Variants in NEK2 observed in about 807,000 individuals in gnomAD.
NEK2 encodes NIMA related kinase 2, also known as serine/threonine-protein kinase Nek2.
Under a neutral mutation model 54.1 loss-of-function variants are expected in NEK2, and 28 were observed. The ratio of observed to expected loss-of-function variants is 0.52; its 90% CI spans 0.38 to 0.71. The LOEUF (loss-of-function observed/expected upper bound fraction) is 0.71. NEK2 is among the 30% of genes least tolerant of loss of function. The pLI, the probability that NEK2 is intolerant of heterozygous loss-of-function variation, is 0.00. For synonymous variants in NEK2, 176 were observed against 193.1 expected, an observed-to-expected ratio of 0.91 and a Z score of 0.73; for missense variants, 407 against 531.5, an observed-to-expected ratio of 0.77 and a Z score of 2.30.
At chr1:211,665,398 G>A (rs769476693) in intron 7 of NEK2, among the ~76,000 whole-genome samples, 1 of 152,132 alleles carries the variant, frequency 6.6e-6, no homozygotes, top group African/African-American at 2.4e-5. Flanking sequence ...ACTTATCTGT[G>A]TATCCTATAA....
At chr1:211,674,589 A>C in intron 1 of NEK2, 76 bp from the exon 2 acceptor site, 1 of 1,046,042 alleles carries the variant, frequency 9.6e-7, no homozygotes. Context: ...AAGATTTAAC[A>C]AATTACCTCC....
intron 7 of NEK2, chr1:211,666,795 T>A: frequency 1.3e-6 from 1 of 743,358 alleles, no homozygotes; most frequent in Non-Finnish European, 1.7e-6. Flanking sequence ...TGAGACTCCA[T>A]CTCAAAAAAA....
downstream of NEK2, among the ~76,000 whole-genome samples, chr1:211,659,093 A>T (rs1306209959): frequency 6.6e-6 from 1 of 152,236 alleles, no homozygotes; most frequent in Non-Finnish European, 1.5e-5. Flanking sequence ...TTGCAAAAAA[A>T]CAGAACTTTC....
intron 4 of NEK2, 62 bp from the exon 5 acceptor site, chr1:211,670,469 T>A (rs1280988050): frequency 3.3e-6 from 5 of 1,536,310 alleles, no homozygotes; most frequent in Non-Finnish European, 3.6e-6. Flanking sequence ...AATGAAAATA[T>A]ACAATAGGAA....
chr1:211,667,285 A>C (rs1363022075), intron 6 of NEK2, 54 bp from the exon 7 acceptor site: 1 of 1,535,276 alleles, frequency 6.5e-7, no homozygotes, highest in Non-Finnish European at 8.8e-7. Context: ...CCTTGACTAA[A>C]AAACAATTTA....
intron 5 of NEK2, 60 bp from the exon 6 acceptor site, chr1:211,669,392 C>G (rs889845961): frequency 2.1e-6 from 3 of 1,448,388 alleles, no homozygotes; most frequent in Non-Finnish European, 2.9e-6. Flanking sequence ...CCTCCTAAGA[C>G]AGCAGTTAAA....
downstream of NEK2, chr1:211,661,150 G>C: frequency 1.3e-6 from 1 of 742,094 alleles, no homozygotes; most frequent in Non-Finnish European, 2.5e-6. Context: ...GTCTCTGGGT[G>C]CCCCATCTCA....
rs1212986694 is a variant in NEK2, at chr1:211,663,202, A to G, written c.*224T>C. 7.6e-7 allele frequency: 1 copy of G among 1,316,492 alleles called. No homozygotes were observed. The highest frequency in any genetic ancestry group is 2.9e-5 in the East Asian group (1 of 34,698). 81.6% of individuals were successfully genotyped at this position (1,316,492 alleles called of 1,614,324 possible). ...GGATTAAAAGCCCAACCAAGAAAGT[A>G]TTCTTTTTATAATATGTTCTTAAAA... On this transcript the variant is annotated 3_prime_UTR_variant, in exon 8 of 8. Coordinates refer to ENST00000366999, the MANE Select transcript of NEK2 (RefSeq NM_002497.4).
intron 7 of NEK2, among the ~76,000 whole-genome samples, chr1:211,665,253 C>T (rs1442132520): frequency 1.3e-5 from 2 of 152,208 alleles, no homozygotes; most frequent in South Asian, 2.1e-4. Flanking sequence ...TGCTATGATG[C>T]TTATCTTATA....
At chr1:211,671,854 C>T (rs1335956252) in intron 3 of NEK2, among the ~76,000 whole-genome samples, 3 of 152,162 alleles carry the variant, frequency 2.0e-5, no homozygotes, top group African/African-American at 2.4e-5. Context: ...GTTTTAAAGT[C>T]CAACTGGTGA....
At chr1:211,669,373 C>T in intron 5 of NEK2, 41 bp from the exon 6 acceptor site, 1 of 1,532,934 alleles carries the variant, frequency 6.5e-7, no homozygotes, top group Non-Finnish European at 9.0e-7. Context: ...GATTGCATAA[C>T]AGAATAGTCC....
chr1:211,674,086 G>A (rs983726988), intron 2 of NEK2, among the ~76,000 whole-genome samples: 7 of 152,160 alleles, frequency 4.6e-5, no homozygotes, highest in Non-Finnish European at 7.3e-5. Flanking sequence ...AAAGTGTTGG[G>A]ATTACAGGTG....
intron 3 of NEK2, among the ~76,000 whole-genome samples, chr1:211,672,644 C>T (rs1421471376): frequency 2.1e-5 from 3 of 145,736 alleles, no homozygotes; most frequent in Non-Finnish European, 1.5e-5. Context: ...AGTTCAAGAA[C>T]CCACCCAGAG....
At chr1:211,674,770 T>C (rs1655523609) in intron 1 of NEK2, among the ~76,000 whole-genome samples, 1 of 151,950 alleles carries the variant, frequency 6.6e-6, no homozygotes, top group African/African-American at 2.4e-5. Context: ...TACCCTCAGT[T>C]GGTTAGTGGG....
At chr1:211,661,443 CTAATTCCAAATCTGTTGTT>C (rs1558225546), downstream of NEK2, among the ~76,000 whole-genome samples, 2 of 152,188 alleles carry the variant, frequency 1.3e-5, no homozygotes, top group African/African-American at 4.8e-5. Flanking sequence ...TTGATCACAC[CTAATTCCAAATCTGTTGTT>C]ATGGTTTGGG....
At chr1:211,669,612 C>T in intron 5 of NEK2, 1 of 416,206 alleles carries the variant, frequency 2.4e-6, no homozygotes, top group African/African-American at 2.0e-5. Flanking sequence ...ACATCTTGTG[C>T]TGGGGCTTGG....
At chr1:211,674,769 T>C (rs543478287) in intron 1 of NEK2, among the ~76,000 whole-genome samples, 80 of 152,030 alleles carry the variant, frequency 5.3e-4, no homozygotes, top group Non-Finnish European at 1.0e-3. Flanking sequence ...CTACCCTCAG[T>C]TGGTTAGTGG....
chr1:211,661,185 C>T (rs992593193), downstream of NEK2: 4 of 733,858 alleles, frequency 5.5e-6, no homozygotes, highest in Admixed American at 1.8e-5. Context: ...CCTAACAATC[C>T]GGGAGAAGTG....
At chr1:211,666,145 A>G (rs1304739316) in intron 7 of NEK2, among the ~76,000 whole-genome samples, 1 of 152,236 alleles carries the variant, frequency 6.6e-6, no homozygotes, top group African/African-American at 2.4e-5. Context: ...ACAATGGTTC[A>G]CTGGTATATA....
Sources: gnomAD v4.1 joint callset for allele counts (sites outside exome capture counted in the v4.1 genomes callset) on GRCh38, gnomAD v4.1.1 for gene constraint, MANE v1.5 for transcripts, NCBI Gene and HGNC (gene_info 2026-07-23, HGNC 2026-07-21) for gene names.